Variants in SLC14A2 observed in about 807,000 individuals in gnomAD.
SLC14A2 encodes the protein urea transporter 2.
SLC14A2 carries 91 observed loss-of-function variants against 104.6 expected under a neutral mutation model. The observed-to-expected ratio is 0.87, with a 90% CI of 0.73 to 1.04. SLC14A2 has a LOEUF of 1.04. Ranked by LOEUF, SLC14A2 falls within the 50% of genes least tolerant of loss-of-function variation. The probability of loss-of-function intolerance (pLI) is 0.00; values close to 1 mark genes in which losing one functional copy is unlikely to be tolerated. For missense variants in SLC14A2, 1,189 were observed against 1,156.0 expected, an observed-to-expected ratio of 1.03 and a Z score of -0.41; for synonymous variants, 476 against 466.4, an observed-to-expected ratio of 1.02 and a Z score of -0.27.
At chr18:45,383,369 C>A (rs1034326842) in intron 1 of SLC14A2, among the ~76,000 whole-genome samples, 1 of 152,142 alleles carries the variant, frequency 6.6e-6, no homozygotes. Context: ...CTCCTTCAGC[C>A]TAAGGCATTT....
At chr18:45,553,608 A>G (rs1460600916) in intron 2 of SLC14A2, among the ~76,000 whole-genome samples, 2 of 152,160 alleles carry the variant, frequency 1.3e-5, no homozygotes, top group Non-Finnish European at 2.9e-5. Context: ...CCCTTTACTA[A>G]GAAAAAAAGG....
intron 1 of SLC14A2, among the ~76,000 whole-genome samples, chr18:45,309,733 A>G (rs928107687): frequency 1.3e-5 from 2 of 152,208 alleles, no homozygotes; most frequent in South Asian, 4.1e-4. Flanking sequence ...ATACATTACA[A>G]GAGTTTGATT....
intron 1 of SLC14A2, among the ~76,000 whole-genome samples, chr18:45,294,814 C>T (rs2084904072): frequency 6.6e-6 from 1 of 152,086 alleles, no homozygotes; most frequent in African/African-American, 2.4e-5. Flanking sequence ...TGATCTTGGA[C>T]CTTCCTCCAT....
At chr18:45,506,757 G>T (rs957799054) in intron 2 of SLC14A2, among the ~76,000 whole-genome samples, 1 of 152,304 alleles carries the variant, frequency 6.6e-6, no homozygotes, top group Admixed American at 6.5e-5. Context: ...GTGAAAGAAT[G>T]AATTTCTCTT....
intron 2 of SLC14A2, among the ~76,000 whole-genome samples, chr18:45,582,175 G>A (rs1454991572): frequency 6.6e-6 from 1 of 152,184 alleles, no homozygotes; most frequent in Non-Finnish European, 1.5e-5. Flanking sequence ...TCAGACACCA[G>A]GAGATGATGA....
chr18:45,552,403 G>T (rs1415566716), intron 2 of SLC14A2, among the ~76,000 whole-genome samples: 1 of 150,790 alleles, frequency 6.6e-6, no homozygotes, highest in Non-Finnish European at 1.5e-5. Context: ...TTCTTTGTGT[G>T]AGTTTCCCTT....
At chr18:45,196,157 A>C in the SLC14A2 span, among the ~76,000 whole-genome samples, 1 of 152,216 alleles carries the variant, frequency 6.6e-6, no homozygotes, top group Admixed American at 6.5e-5. Context: ...GATAGTTTAC[A>C]GTTTGTTTAC....
chr18:45,598,782 C>T (rs1201155248), intron 2 of SLC14A2, among the ~76,000 whole-genome samples: 1 of 152,184 alleles, frequency 6.6e-6, no homozygotes, highest in Non-Finnish European at 1.5e-5. Context: ...TCAGTCCCTC[C>T]ACCACTCAAG....
chr18:45,668,824 C>T lies in SLC14A2; in HGVS notation c.2036+347C>T, dbSNP rs1021108138. On this transcript the variant is annotated intron_variant, in intron 15 of 19. Transcript: ENST00000255226. ...AAATCTTTTCAACCCTCCCCTACCC[C>T]GGCTTTTCTAAATCCTTGGGACCCC... Among the ~76,000 whole-genome samples the T allele has an allele frequency of 3.3e-5, 5 of 152,198 alleles. No individual in the cohort carries two copies. In the South Asian group the frequency reaches 6.2e-4, roughly 19 times the overall value.
intron 1 of SLC14A2, among the ~76,000 whole-genome samples, chr18:45,233,826 C>T (rs988046636): frequency 1.5e-5 from 2 of 135,368 alleles, no homozygotes; most frequent in Non-Finnish European, 3.1e-5. Flanking sequence ...TGCCAGTGGT[C>T]ATGGGTCCTT....
the SLC14A2 span, among the ~76,000 whole-genome samples, chr18:45,175,259 T>G: frequency 6.6e-6 from 1 of 152,178 alleles, no homozygotes; most frequent in South Asian, 2.1e-4. Flanking sequence ...TAAATCATCA[T>G]ATATCCACAC....
At chr18:45,536,159 A>G (rs1301067555) in intron 2 of SLC14A2, among the ~76,000 whole-genome samples, 2 of 152,148 alleles carry the variant, frequency 1.3e-5, no homozygotes, top group Non-Finnish European at 2.9e-5. Context: ...CAGTCTGGAG[A>G]GCATGGTGGT....
chr18:45,652,256 T>G (rs1245063019), intron 10 of SLC14A2, among the ~76,000 whole-genome samples: 1 of 152,188 alleles, frequency 6.6e-6, no homozygotes, highest in African/African-American at 2.4e-5. Context: ...GTGAGACTTT[T>G]TTTACTTGCC....
intron 2 of SLC14A2, among the ~76,000 whole-genome samples, chr18:45,520,156 T>A (rs953636486): frequency 1.7e-4 from 26 of 152,268 alleles, no homozygotes; most frequent in African/African-American, 6.3e-4. Context: ...ATTCTTGGAA[T>A]GAGTCATTCA....
At chr18:45,426,641 A>G (rs1309014959) in intron 1 of SLC14A2, among the ~76,000 whole-genome samples, 2 of 148,354 alleles carry the variant, frequency 1.3e-5, no homozygotes, top group South Asian at 2.1e-4. Flanking sequence ...CTATATATCT[A>G]TATACATATA....
At chr18:45,317,596 T>C (rs1468807280) in intron 1 of SLC14A2, among the ~76,000 whole-genome samples, 1 of 152,106 alleles carries the variant, frequency 6.6e-6, no homozygotes, top group Non-Finnish European at 1.5e-5. Flanking sequence ...GCTGGCAAAA[T>C]ATAAGGAGGT....
intron 1 of SLC14A2, among the ~76,000 whole-genome samples, chr18:45,432,788 G>A (rs1339330274): frequency 6.6e-6 from 1 of 152,124 alleles, no homozygotes; most frequent in Non-Finnish European, 1.5e-5. Flanking sequence ...AGGATTTGAT[G>A]GCCACATAGA....
intron 1 of SLC14A2, among the ~76,000 whole-genome samples, chr18:45,370,743 G>A (rs2085714120): frequency 6.6e-6 from 1 of 152,188 alleles, no homozygotes; most frequent in Admixed American, 6.5e-5. Context: ...CCAGAAGGGA[G>A]CAAAAAGTTC....
At position 45,637,063 on chromosome 18, in the gene SLC14A2, A is replaced by G. The variant is rs1212821349; in HGVS notation, c.724A>G (p.Ile242Val). 6.2e-7 allele frequency: 1 copy of G among 1,614,066 alleles called. No homozygotes were observed. The highest frequency in any genetic ancestry group is 8.5e-7 in the Non-Finnish European group (1 of 1,179,966). The change falls in exon 6 of 20, where the codon ATT (isoleucine) becomes GTT (valine). Residue 242 changes from isoleucine to valine, a missense_variant. Ile to Val is a conservative substitution (Grantham distance 29). Transcript: ENST00000255226. ...CCCGGTCTTCACTCTGCCCTTCAACATTGCAGTCACCTTGTACCTTGCAGC... is the reference window on the plus strand; with the variant it reads ...CCCGGTCTTCACTCTGCCCTTCAACGTTGCAGTCACCTTGTACCTTGCAGC... ...DLPVFTLPFN[I>V]AVTLYLAATG...
Sources: allele counts gnomAD v4.1 joint callset (sites outside exome capture counted in the v4.1 genomes callset), GRCh38; gene constraint gnomAD v4.1.1; transcripts MANE v1.5; gene names NCBI Gene and HGNC (gene_info 2026-07-23, HGNC 2026-07-21).